Variants in SLC1A4 observed in about 807,000 individuals in gnomAD.
SLC1A4 encodes neutral amino acid transporter A.
A neutral mutation model predicts 37.7 loss-of-function variants in SLC1A4; 19 were observed. The ratio of observed to expected loss-of-function variants is 0.50; its 90% CI spans 0.35 to 0.74. The LOEUF (loss-of-function observed/expected upper bound fraction) is 0.74. SLC1A4 is among the 30% of genes least tolerant of loss of function. The probability of loss-of-function intolerance (pLI) is 0.01; values close to 1 mark genes in which losing one functional copy is unlikely to be tolerated. For missense variants in SLC1A4, 570 were observed against 712.9 expected, an observed-to-expected ratio of 0.80 and a Z score of 2.28; for synonymous variants, 299 against 309.8, an observed-to-expected ratio of 0.97 and a Z score of 0.37.
intron 1 of SLC1A4, among the ~76,000 whole-genome samples, chr2:64,995,568 A>G (rs1426233667): frequency 6.6e-6 from 1 of 152,180 alleles, no homozygotes; most frequent in Non-Finnish European, 1.5e-5. Flanking sequence ...TCAGAGTGCA[A>G]GTCCACCAGC....
In SLC1A4 at chr2:65,018,234, G is replaced by A; in HGVS notation, c.1198G>A (p.Glu400Lys). 1 of 1,614,130 alleles carries A rather than the reference G, an allele frequency of 6.2e-7. No individual in the cohort carries two copies. The highest frequency in any genetic ancestry group is 2.2e-5 in the East Asian group (1 of 44,884). ...AVFIAQLNNV[E>K]LNAGQIFTIL... Reference sequence around the variant, plus strand: ...GTTCATTGCGCAACTCAACAACGTAGAGCTCAACGCAGGACAGATTTTCAC... The same window carrying A: ...GTTCATTGCGCAACTCAACAACGTAAAGCTCAACGCAGGACAGATTTTCAC... Residue 400 changes from glutamate (E) to lysine (K), a missense_variant, in exon 6 of 8, where the codon GAG becomes AAG. Physicochemically the swap from Glu to Lys is moderately conservative, Grantham distance 56 (BLOSUM62 1). Transcript: ENST00000234256. The surrounding 1 kb of genome is among the most constrained non-coding windows in gnomAD (Gnocchi z 4.3).
rs1421101804 is a variant in SLC1A4, at chr2:64,989,694, G to T, written c.51G>T (p.Gly17=). ...GCTACCTTGACAGCGCTCAGGCGGG[G>T]CCTGCGGCCGGGCCCGGAGCTCCGG... The part of the protein sequence containing the change: ...TNGYLDSAQA[G]PAAGPGAPGT... The change falls in exon 1 of 8, where the codon GGG becomes GGT. Residue 17 remains glycine (G), a synonymous_variant. Coordinates refer to ENST00000234256, the MANE Select transcript of SLC1A4 (RefSeq NM_003038.5). 3 of 1,535,950 alleles carry T rather than the reference G, an allele frequency of 2.0e-6. No individual in the cohort carries two copies. Among genetic ancestry groups the T allele is most frequent in the East Asian group, 5.4e-5 (2 of 36,954 alleles).
At chr2:65,012,858 G>A (rs1673974435) in intron 4 of SLC1A4, among the ~76,000 whole-genome samples, 1 of 152,228 alleles carries the variant, frequency 6.6e-6, no homozygotes, top group African/African-American at 2.4e-5. Context: ...GGGCAAAAAA[G>A]TGAGGCCCTA....
intron 1 of SLC1A4, among the ~76,000 whole-genome samples, chr2:64,995,905 C>T (rs1673236173): frequency 6.6e-6 from 1 of 152,174 alleles, no homozygotes; most frequent in Non-Finnish European, 1.5e-5. Flanking sequence ...TGTTACAGAA[C>T]GTTTTTGAAG....
intron 7 of SLC1A4, among the ~76,000 whole-genome samples, chr2:65,019,244 T>C (rs1406522644): frequency 3.3e-5 from 5 of 152,192 alleles, no homozygotes; most frequent in African/African-American, 1.2e-4. Context: ...ATGATACCTT[T>C]TGCAGGCATG....
At chr2:65,016,233 T>A (rs1674123247) in intron 4 of SLC1A4, among the ~76,000 whole-genome samples, 1 of 152,194 alleles carries the variant, frequency 6.6e-6, no homozygotes, top group South Asian at 2.1e-4. Context: ...CTGTTACCCT[T>A]GGTGAGTGGT....
chr2:65,009,400 GA>G (rs1292708580), intron 3 of SLC1A4, among the ~76,000 whole-genome samples: 31 of 150,860 alleles, frequency 2.1e-4, no homozygotes, highest in Admixed American at 2.1e-3. Flanking sequence ...AGAAAAGAAA[GA>G]AAGAAAGAAA....
At chr2:64,991,659 T>G (rs1477369148) in intron 1 of SLC1A4, among the ~76,000 whole-genome samples, 2 of 152,146 alleles carry the variant, frequency 1.3e-5, no homozygotes, top group African/African-American at 4.8e-5. Context: ...TGGAGTGCAG[T>G]GTGCGATCTC....
intron 1 of SLC1A4, chr2:64,999,957 T>A (rs1558516568): frequency 6.6e-6 from 1 of 152,128 alleles, no homozygotes; most frequent in Non-Finnish European, 1.5e-5. Context: ...AAGGTGTGAA[T>A]ACCAGGAGGC....
rs186514019 is a variant in SLC1A4, at chr2:65,018,041, T to C, written c.1035-30T>C. 1.2e-6 allele frequency: 2 copies of C among 1,602,610 alleles called. No individual in the cohort carries two copies. The highest frequency in any genetic ancestry group is 1.3e-5 in the African/African-American group (1 of 74,860). Reference sequence around the variant, plus strand: ...GTTAGCCTGCCTCGGACTGTTGTCATGTCTGGCGGTTTGTTTTTCCCATTT... The same window carrying C: ...GTTAGCCTGCCTCGGACTGTTGTCACGTCTGGCGGTTTGTTTTTCCCATTT... On this transcript the variant is annotated intron_variant, in intron 5 of 7. Transcript: ENST00000234256. The surrounding 1 kb of genome is among the most constrained non-coding windows in gnomAD (Gnocchi z 4.3).
intron 3 of SLC1A4, among the ~76,000 whole-genome samples, chr2:65,008,083 C>G (rs1023662310): frequency 2.6e-5 from 4 of 152,102 alleles, no homozygotes; most frequent in African/African-American, 9.7e-5. Context: ...ATATTAAAAC[C>G]AACTTTCAAA....
Position 65,018,741 on chromosome 2 carries a change from A to G in SLC1A4, c.1364+62A>G, listed in dbSNP as rs1461808758. The G allele has an allele frequency of 8.8e-6, 14 of 1,589,152 alleles. No homozygotes were observed. The highest frequency in any genetic ancestry group is 1.1e-5 in the Non-Finnish European group (13 of 1,163,656). Reference sequence around the variant, plus strand: ...GCACTGAGTTCCCTAGGAGCTTAGCACTGCTGGGCCTGGGCCATGCAGAGA... The same window carrying G: ...GCACTGAGTTCCCTAGGAGCTTAGCGCTGCTGGGCCTGGGCCATGCAGAGA... On this transcript the variant is annotated intron_variant, in intron 7 of 7. Coordinates refer to ENST00000234256, the MANE Select transcript of SLC1A4 (RefSeq NM_003038.5). This position sits in a 1 kb window ranked among gnomAD's most constrained non-coding sequence, Gnocchi z 4.3.
chr2:65,003,490 G>A (rs1673555917), intron 2 of SLC1A4, among the ~76,000 whole-genome samples: 1 of 152,322 alleles, frequency 6.6e-6, no homozygotes, highest in East Asian at 1.9e-4. Context: ...GAAAGAGACG[G>A]TAGAAGCAGT....
rs1482111270 is a variant in SLC1A4, at chr2:64,989,813, G to T, written c.170G>T (p.Gly57Val). 2.0e-6 allele frequency: 3 copies of T among 1,531,482 alleles called. No individual in the cohort carries two copies. The highest frequency in any genetic ancestry group is 1.4e-5 in the African/African-American group (1 of 72,454). The allele number at this position is 1,531,482 out of a possible 1,614,324, so 94.9% of individuals were successfully genotyped here. Residue 57 changes from glycine (G) to valine (V), a missense_variant, in exon 1 of 8, where the codon GGC becomes GTC. Gly to Val is a moderately radical substitution (Grantham distance 109, BLOSUM62 -3). Transcript: ENST00000234256. The part of the protein sequence containing the change: ...LTVSGVLAGA[G>V]LGAALRGLSL... ...GTGTCCGGGGTGCTGGCGGGCGCGGGCCTGGGCGCGGCGTTGCGCGGGCTC... is the reference window on the plus strand; with the variant it reads ...GTGTCCGGGGTGCTGGCGGGCGCGGTCCTGGGCGCGGCGTTGCGCGGGCTC...
rs745965020 is a variant in SLC1A4 at position 65,021,023 on chromosome 2, G to C, written c.1476G>C (p.Val492=). ...AAGGCGAGCAGGAACTTGCTGAGGT[G>C]AAAGTGGAAGCCATCCCCAACTGCA... ...TKKGEQELAE[V]KVEAIPNCKS... is the part of the protein sequence containing the mutation. The change falls in exon 8 of 8, where the codon GTG becomes GTC. Residue 492 remains valine (V), a synonymous_variant. Coordinates refer to ENST00000234256, the MANE Select transcript of SLC1A4 (RefSeq NM_003038.5). The C allele has an allele frequency of 1.1e-5, 17 of 1,614,246 alleles. No homozygotes were observed. The highest frequency in any genetic ancestry group is 1.4e-5 in the Non-Finnish European group (17 of 1,180,034).
chr2:65,012,764 C>T (rs1306374794), intron 4 of SLC1A4, among the ~76,000 whole-genome samples: 3 of 152,146 alleles, frequency 2.0e-5, no homozygotes, highest in East Asian at 1.9e-4. Context: ...TTGGGGCAGG[C>T]GCAGTGGCTC....
Position 64,998,240 on chromosome 2 carries a change from AAAATAAAT to A in SLC1A4, c.528-3183_528-3176del, listed in dbSNP as rs70937393. On this transcript the variant is annotated intron_variant, in intron 1 of 7. Coordinates refer to ENST00000234256, the MANE Select transcript of SLC1A4 (RefSeq NM_003038.5). ...AGACAGAGCGAGACTCCGTCTCAGA[AAAATAAAT>A]AAATAAATAAATAAATAAATAAATT... Among the ~76,000 whole-genome samples, 465 of 145,638 alleles carry A rather than the reference AAAATAAAT, an allele frequency of 3.2e-3. 3 individuals carry two copies. The highest frequency in any genetic ancestry group is 0.011 in the African/African-American group (441 of 39,068).
intron 3 of SLC1A4, among the ~76,000 whole-genome samples, chr2:65,005,574 T>C (rs944458233): frequency 1.3e-5 from 2 of 152,202 alleles, no homozygotes; most frequent in Non-Finnish European, 2.9e-5. Context: ...GCACAGACAC[T>C]TTCCGACGTT....
rs1674232407 is a variant in SLC1A4 at position 65,018,067 on chromosome 2, CT to C, written c.1035-3del. Reference sequence around the variant, plus strand: ...GTCTGGCGGTTTGTTTTTCCCATTTCTAGCTCAGCGACCCTTCCCTCTATGA... The same window carrying C: ...GTCTGGCGGTTTGTTTTTCCCATTTCAGCTCAGCGACCCTTCCCTCTATGA... On this transcript the variant is annotated splice_region_variant and splice_polypyrimidine_tract_variant and intron_variant, in intron 5 of 7. Transcript: ENST00000234256. The surrounding 1 kb of genome is among the most constrained non-coding windows in gnomAD (Gnocchi z 4.3). 1 of 1,610,954 alleles carries C rather than the reference CT, an allele frequency of 6.2e-7. No individual in the cohort carries two copies. The highest frequency in any genetic ancestry group is 1.1e-5 in the South Asian group (1 of 91,012).
Sources: allele counts gnomAD v4.1 joint callset (sites outside exome capture counted in the v4.1 genomes callset), GRCh38; gene constraint gnomAD v4.1.1; non-coding constraint Gnocchi (gnomAD v3.1); transcripts MANE v1.5; gene names NCBI Gene and HGNC (gene_info 2026-07-23, HGNC 2026-07-21).